HSD17B12: variants seen among roughly 807,000 people sequenced by gnomAD.
The protein encoded by HSD17B12 is hydroxysteroid 17-beta dehydrogenase 12.
A neutral mutation model predicts 39.3 loss-of-function variants in HSD17B12; 32 were observed. The ratio of observed to expected loss-of-function variants is 0.81; its 90% CI spans 0.61 to 1.09. HSD17B12 has a LOEUF of 1.09. Ranked by LOEUF, HSD17B12 falls within the 50% of genes least tolerant of loss-of-function variation. The pLI, the probability that HSD17B12 is intolerant of heterozygous loss-of-function variation, is 0.00. For synonymous variants in HSD17B12, 150 were observed against 146.7 expected (o/e 1.02, Z -0.16); for missense variants, 342 against 382.9 (o/e 0.89, Z 0.89).
chr11:43,586,118 C>A, the HSD17B12 span, among the ~76,000 whole-genome samples: 1 of 152,134 alleles, frequency 6.6e-6, no homozygotes, highest in South Asian at 2.1e-4. Context: ...TTCCACTAAG[C>A]ATTTGCTATC....
chr11:43,715,998 T>C (rs943866299), intron 1 of HSD17B12, among the ~76,000 whole-genome samples: 1 of 152,184 alleles, frequency 6.6e-6, no homozygotes, highest in African/African-American at 2.4e-5. Flanking sequence ...TGAGGTACTA[T>C]AACATGCAAG....
chr11:43,563,008 C>T, the HSD17B12 span, among the ~76,000 whole-genome samples: 1 of 152,180 alleles, frequency 6.6e-6, no homozygotes, highest in Non-Finnish European at 1.5e-5. Context: ...GTTCCAAGTC[C>T]TCCTTGAATG....
chr11:43,843,110 A>G (rs1057095714), intron 9 of HSD17B12, among the ~76,000 whole-genome samples: 4 of 152,198 alleles, frequency 2.6e-5, no homozygotes, highest in African/African-American at 9.7e-5. Context: ...GTTTTGTCAT[A>G]TGAATTCATT....
At chr11:43,672,560 G>A in the HSD17B12 span, among the ~76,000 whole-genome samples, 1 of 152,188 alleles carries the variant, frequency 6.6e-6, no homozygotes, top group South Asian at 2.1e-4. Flanking sequence ...TTGTTTGTTT[G>A]TTTTTAAGAT....
At chr11:43,723,346 G>A (rs182782560) in intron 1 of HSD17B12, among the ~76,000 whole-genome samples, 4 of 152,098 alleles carry the variant, frequency 2.6e-5, no homozygotes, top group East Asian at 3.8e-4. Context: ...AGATAATAGC[G>A]TTTTCACCCC....
chr11:43,791,797 C>T (rs1293638181), intron 3 of HSD17B12, among the ~76,000 whole-genome samples: 2 of 151,988 alleles, frequency 1.3e-5, no homozygotes, highest in African/African-American at 2.4e-5. Flanking sequence ...TTATTTATTG[C>T]AAGTGGTTGT....
At position 43,718,803 on chromosome 11, in the gene HSD17B12, C is replaced by T. The variant is rs113866604; in HGVS notation, c.161-32108C>T. The T allele has an allele frequency of 4.8e-5, 45 of 930,974 alleles. 3 individuals carry two copies. The highest frequency in any genetic ancestry group is 4.1e-4 in the African/African-American group (25 of 61,634). 57.7% of individuals were successfully genotyped at this position (930,974 alleles called of 1,614,324 possible). On this transcript the variant is annotated intron_variant, in intron 1 of 10. Transcript: ENST00000278353. ...CACAAAAAAAAGAAGACCCGCACGT[C>T]ACCCGCCTTCTGGTGGCCCAAGACA...
chr11:43,593,426 A>C, the HSD17B12 span, among the ~76,000 whole-genome samples: 1 of 152,096 alleles, frequency 6.6e-6, no homozygotes, highest in Non-Finnish European at 1.5e-5. Context: ...TGCCTCCTTA[A>C]AAAGATTGAT....
chr11:43,595,487 AT>A, the HSD17B12 span, among the ~76,000 whole-genome samples: 1 of 152,228 alleles, frequency 6.6e-6, no homozygotes, highest in African/African-American at 2.4e-5. Flanking sequence ...TTATTCATTT[AT>A]TTATCCAACA....
At chr11:43,608,391 C>T in the HSD17B12 span, among the ~76,000 whole-genome samples, 1 of 151,404 alleles carries the variant, frequency 6.6e-6, no homozygotes, top group Admixed American at 6.6e-5. Flanking sequence ...AAGTAATAAC[C>T]TTTCCTTAAT....
At chr11:43,603,514 G>T in the HSD17B12 span, among the ~76,000 whole-genome samples, 1 of 152,102 alleles carries the variant, frequency 6.6e-6, no homozygotes, top group Non-Finnish European at 1.5e-5. Context: ...CTAAGTAGAA[G>T]AACTGATGCA....
the HSD17B12 span, among the ~76,000 whole-genome samples, chr11:43,574,567 C>G: frequency 1.3e-5 from 2 of 152,182 alleles, no homozygotes; most frequent in East Asian, 1.9e-4. Flanking sequence ...ATCAAGAAAC[C>G]CTTTGTCATG....
chr11:43,656,832 A>G, the HSD17B12 span, among the ~76,000 whole-genome samples: 4 of 152,006 alleles, frequency 2.6e-5, no homozygotes, highest in South Asian at 6.2e-4. Context: ...TATGTGGTCA[A>G]TTTTGGAATA....
At chr11:43,699,213 A>T (rs1312958695) in intron 1 of HSD17B12, among the ~76,000 whole-genome samples, 1 of 152,192 alleles carries the variant, frequency 6.6e-6, no homozygotes, top group Middle Eastern at 3.2e-3. Flanking sequence ...GCATTATTAT[A>T]AGAGATTATT....
the HSD17B12 span, among the ~76,000 whole-genome samples, chr11:43,622,959 T>A: frequency 6.6e-6 from 1 of 151,418 alleles, no homozygotes; most frequent in Non-Finnish European, 1.5e-5. Context: ...TGATCAAAAC[T>A]TTTTTTTTAA....
At chr11:43,716,343 C>G (rs1478571447) in intron 1 of HSD17B12, among the ~76,000 whole-genome samples, 1 of 152,118 alleles carries the variant, frequency 6.6e-6, no homozygotes, top group African/African-American at 2.4e-5. Flanking sequence ...TCTGAATGTC[C>G]TTAAGTATAA....
upstream of HSD17B12, among the ~76,000 whole-genome samples, chr11:43,676,933 A>G (rs1279151434): frequency 6.6e-6 from 1 of 152,196 alleles, no homozygotes; most frequent in Non-Finnish European, 1.5e-5. Context: ...GAGCTGGGAT[A>G]TATAAATTTG....
At chr11:43,631,482 G>A in the HSD17B12 span, among the ~76,000 whole-genome samples, 1 of 152,074 alleles carries the variant, frequency 6.6e-6, no homozygotes, top group Non-Finnish European at 1.5e-5. Context: ...GGAATGCTGA[G>A]AGACAGTAGG....
At chr11:43,822,288 G>A (rs928253251) in intron 6 of HSD17B12, among the ~76,000 whole-genome samples, 1 of 151,990 alleles carries the variant, frequency 6.6e-6, no homozygotes, top group African/African-American at 2.4e-5. Context: ...TCAAGCAGGG[G>A]GTTATATAGT....
Sources: allele counts gnomAD v4.1 joint callset (sites outside exome capture counted in the v4.1 genomes callset), GRCh38; gene constraint gnomAD v4.1.1; transcripts MANE v1.5; gene names NCBI Gene and HGNC (gene_info 2026-07-23, HGNC 2026-07-21).